Variants in OSBP2 observed in about 807,000 individuals in gnomAD.
OSBP2 encodes the protein oxysterol-binding protein 2.
OSBP2 carries 66 observed loss-of-function variants against 96.0 expected under a neutral mutation model. The ratio of observed to expected loss-of-function variants is 0.69; its 90% CI spans 0.56 to 0.84. The LOEUF is 0.84. Among genes scored for constraint, OSBP2 ranks in the 40% least tolerant of loss-of-function variants. The pLI, the probability that OSBP2 is intolerant of heterozygous loss-of-function variation, is 0.00. For synonymous variants in OSBP2, 525 were observed against 520.9 expected, an observed-to-expected ratio of 1.01 and a Z score of -0.11; for missense variants, 1,038 against 1,222.7, an observed-to-expected ratio of 0.85 and a Z score of 2.25.
intron 2 of OSBP2, among the ~76,000 whole-genome samples, chr22:30,844,915 A>G (rs1205082902): frequency 1.3e-5 from 2 of 152,144 alleles, no homozygotes; most frequent in African/African-American, 2.4e-5. Flanking sequence ...AGGCCTTTGT[A>G]TGGTTATTAA....
At chr22:30,905,722 G>C (rs1313019776) in intron 12 of OSBP2, 115 bp from the exon 13 acceptor site, 1 of 1,440,756 alleles carries the variant, frequency 6.9e-7, no homozygotes, top group Admixed American at 2.2e-5. Context: ...TGGACGCGGG[G>C]AGCTGGAGGG....
chr22:30,795,401 T>C (rs2145832395), intron 2 of OSBP2, among the ~76,000 whole-genome samples: 1 of 152,318 alleles, frequency 6.6e-6, no homozygotes. Flanking sequence ...CTCTTCTCTC[T>C]TCCTCTTATG....
Position 30,829,515 on chromosome 22 carries a change from A to T in OSBP2, c.854-40914A>T, listed in dbSNP as rs1028949904. ...CCCATGTTGGCCAGACTGGTCTTGA[A>T]CTCCTGAACTCAAATGGTCTGCCTG... On this transcript the variant is annotated intron_variant, in intron 2 of 13. Transcript: ENST00000332585. Among the ~76,000 whole-genome samples the T allele has an allele frequency of 4.6e-5, 7 of 151,718 alleles. No homozygotes were observed. The East Asian group carries it at 1.4e-3, about 29-fold the overall frequency.
intron 2 of OSBP2, among the ~76,000 whole-genome samples, chr22:30,861,505 C>T (rs972880807): frequency 6.6e-6 from 1 of 152,212 alleles, no homozygotes; most frequent in African/African-American, 2.4e-5. Context: ...GACACTGGCG[C>T]TCTGGCTTGG....
intron 1 of OSBP2, among the ~76,000 whole-genome samples, chr22:30,704,147 C>G (rs2089208494): frequency 6.6e-6 from 1 of 152,100 alleles, no homozygotes; most frequent in Non-Finnish European, 1.5e-5. Flanking sequence ...GCTCAATGAC[C>G]CACTAGGAGG....
At chr22:30,897,843 G>A (rs921571517) in intron 12 of OSBP2, among the ~76,000 whole-genome samples, 3 of 151,976 alleles carry the variant, frequency 2.0e-5, no homozygotes, top group African/African-American at 7.3e-5. Flanking sequence ...CCAGCTACTT[G>A]GGAGGCTGAG....
At chr22:30,694,808 C>CCCCGCCTCGCGCCGCGCGCA (rs2088991439), upstream of OSBP2, 1 of 566,144 alleles carries the variant, frequency 1.8e-6, no homozygotes. Context: ...CCGCGCGCGC[C>CCCCGCCTCGCGCCGCGCGCA]CCCGCCTCGC....
chr22:30,695,247 G>A lies in OSBP2; in HGVS notation c.338G>A (p.Gly113Asp). ...CGGCCGGGGTCAGAGTCAAGCTCAG[G>A]TGTAGGGGCTGGGCCCTTCACTAAG... The part of the protein sequence containing the change: ...GSRPGSESSS[G>D]VGAGPFTKAA... The change falls in exon 1 of 14, where the codon GGT becomes GAT. Residue 113 changes from glycine (G) to aspartate (D), a missense_variant. This residue lies in a region of OSBP2 where 281 missense variants were observed against 273.4 expected (regional missense o/e 1.03). Transcript: ENST00000332585. The A allele has an allele frequency of 2.5e-6, 4 of 1,613,576 alleles. No individual in the cohort carries two copies. Among genetic ancestry groups the A allele is most frequent in the Non-Finnish European group, 1.7e-6 (2 of 1,179,992 alleles).
chr22:30,776,940 A>G (rs1165529204), intron 2 of OSBP2, among the ~76,000 whole-genome samples: 2 of 152,130 alleles, frequency 1.3e-5, no homozygotes, highest in Non-Finnish European at 2.9e-5. Context: ...TGACTGCCCC[A>G]CTGGATTTGA....
chr22:30,791,593 C>T (rs1305144531), intron 2 of OSBP2, among the ~76,000 whole-genome samples: 1 of 152,046 alleles, frequency 6.6e-6, no homozygotes, highest in Non-Finnish European at 1.5e-5. Context: ...TCCCAAAGTG[C>T]TGGGATTACA....
chr22:30,804,119 G>A (rs1318773467), intron 2 of OSBP2, among the ~76,000 whole-genome samples: 4 of 152,198 alleles, frequency 2.6e-5, no homozygotes, highest in Non-Finnish European at 4.4e-5. Flanking sequence ...ACAGATAGAT[G>A]TGTTAACTCC....
chr22:30,885,282 G>A (rs547218771), intron 3 of OSBP2, among the ~76,000 whole-genome samples: 2 of 152,194 alleles, frequency 1.3e-5, no homozygotes, highest in East Asian at 1.9e-4. Flanking sequence ...ATGCAGATGC[G>A]GGCCAAGGAA....
At position 30,893,503 on chromosome 22, in the gene OSBP2, C is replaced by T. The variant is rs777640396; in HGVS notation, c.2031C>T (p.Tyr677=). Residue 677 remains tyrosine, a synonymous_variant, in exon 10 of 14, where the codon TAC becomes TAT. Coordinates refer to ENST00000332585, the MANE Select transcript of OSBP2 (RefSeq NM_030758.4). ...AATTCCAGGCCAGTGGGAATCACTA[C>T]GTGTGGAGGAAGAGCACCTCAACTG... ...HLEFQASGNH[Y]VWRKSTSTVH... The T allele has an allele frequency of 2.2e-5, 36 of 1,614,032 alleles. No homozygotes were observed. The East Asian group carries it at 3.3e-4, about 15-fold the overall frequency.
At chr22:30,857,273 C>T (rs1413184149) in intron 2 of OSBP2, among the ~76,000 whole-genome samples, 1 of 152,162 alleles carries the variant, frequency 6.6e-6, no homozygotes, top group Non-Finnish European at 1.5e-5. Flanking sequence ...CTTGTGTTAG[C>T]AGCTGGGGCC....
intron 1 of OSBP2, among the ~76,000 whole-genome samples, chr22:30,696,421 TC>T (rs1380836141): frequency 6.6e-6 from 1 of 152,136 alleles, no homozygotes; most frequent in East Asian, 1.9e-4. Context: ...GTGCTGGGCC[TC>T]CCCAATGAAT....
chr22:30,733,696 A>G (rs1426758288), intron 1 of OSBP2, among the ~76,000 whole-genome samples: 2 of 152,174 alleles, frequency 1.3e-5, no homozygotes, highest in Admixed American at 6.5e-5. Context: ...GTCGCTAACC[A>G]TAGATGGTCT....
intron 2 of OSBP2, among the ~76,000 whole-genome samples, chr22:30,848,176 G>C (rs1176429259): frequency 1.3e-5 from 2 of 151,930 alleles, no homozygotes; most frequent in Non-Finnish European, 2.9e-5. Flanking sequence ...CTTTTTGAAG[G>C]GCATTTAGGG....
chr22:30,813,112 G>C (rs905220854), intron 2 of OSBP2, among the ~76,000 whole-genome samples: 1 of 151,042 alleles, frequency 6.6e-6, no homozygotes, highest in African/African-American at 2.4e-5. Flanking sequence ...CTATCCATCA[G>C]AGGCTTGTTT....
intron 2 of OSBP2, among the ~76,000 whole-genome samples, chr22:30,856,497 C>T (rs776904455): frequency 6.0e-5 from 9 of 150,876 alleles, no homozygotes; most frequent in South Asian, 2.1e-4. Flanking sequence ...AGCAATTCTC[C>T]TGCCTCAGCC....
Sources: gnomAD v4.1 joint callset for allele counts (sites outside exome capture counted in the v4.1 genomes callset) on GRCh38, gnomAD v4.1.1 for gene constraint, gnomAD v4.1.1 regional missense constraint, MANE v1.5 for transcripts, NCBI Gene and HGNC (gene_info 2026-07-23, HGNC 2026-07-21) for gene names.